CTNND2: variants seen among roughly 807,000 people sequenced by gnomAD.
The protein encoded by CTNND2 is catenin delta-2.
CTNND2 carries 22 observed loss-of-function variants against 144.4 expected under a neutral mutation model. That is an observed-to-expected ratio of 0.15 (90% CI 0.11 to 0.22). CTNND2 has a LOEUF of 0.22. Among genes scored for constraint, CTNND2 ranks in the 10% least tolerant of loss-of-function variants. CTNND2 has a pLI of 1.00. For synonymous variants in CTNND2, 751 were observed against 695.6 expected (o/e 1.08, Z -1.25); for missense variants, 1,353 against 1,618.8 (o/e 0.84, Z 2.82).
At chr5:11,859,677 T>C (rs1795414005) in intron 1 of CTNND2, among the ~76,000 whole-genome samples, 1 of 152,100 alleles carries the variant, frequency 6.6e-6, no homozygotes, top group African/African-American at 2.4e-5. Flanking sequence ...GCCACCTACA[T>C]GCCTGTAACT....
intron 2 of CTNND2, among the ~76,000 whole-genome samples, chr5:11,727,725 TG>T (rs1787102792): frequency 6.6e-6 from 1 of 152,206 alleles, no homozygotes; most frequent in South Asian, 2.1e-4. Flanking sequence ...TTTCCTAAGG[TG>T]TTATAACTTC....
chr5:11,054,591 C>G (rs1047325921), intron 16 of CTNND2, among the ~76,000 whole-genome samples: 3 of 152,024 alleles, frequency 2.0e-5, no homozygotes, highest in Non-Finnish European at 4.4e-5. Flanking sequence ...CCCACGCTTG[C>G]CTCCCATCGT....
chr5:11,802,637 T>C (rs530164932), intron 1 of CTNND2, among the ~76,000 whole-genome samples: 1 of 152,318 alleles, frequency 6.6e-6, no homozygotes, highest in South Asian at 2.1e-4. Context: ...TGTTACCTTG[T>C]TACAGTGTAT....
At chr5:11,631,673 A>G (rs1039591022) in intron 2 of CTNND2, among the ~76,000 whole-genome samples, 1 of 152,146 alleles carries the variant, frequency 6.6e-6, no homozygotes, top group African/African-American at 2.4e-5. Context: ...TCCCTTTCAG[A>G]CAAATATGAT....
intron 3 of CTNND2, among the ~76,000 whole-genome samples, chr5:11,502,024 T>A (rs1458552337): frequency 3.9e-4 from 33 of 83,804 alleles, no homozygotes; most frequent in African/African-American, 1.7e-3. Flanking sequence ...CGAGACTCCA[T>A]CTCAAAAAAA....
chr5:10,991,613 G>C (rs1424869445), intron 19 of CTNND2, among the ~76,000 whole-genome samples: 1 of 152,064 alleles, frequency 6.6e-6, no homozygotes, highest in Non-Finnish European at 1.5e-5. Flanking sequence ...GAATTAAAAA[G>C]GGTATAAAAA....
intron 3 of CTNND2, among the ~76,000 whole-genome samples, chr5:11,443,109 T>C (rs565368751): frequency 6.6e-6 from 1 of 151,466 alleles, no homozygotes; most frequent in South Asian, 2.1e-4. Flanking sequence ...GAAACTGGTA[T>C]ACAACACAGG....
intron 2 of CTNND2, among the ~76,000 whole-genome samples, chr5:11,701,343 T>C (rs1488704084): frequency 6.6e-6 from 1 of 152,226 alleles, no homozygotes; most frequent in Non-Finnish European, 1.5e-5. Context: ...ACCAGTCTGC[T>C]GGATACCCAG....
chr5:11,773,412 C>T (rs1254413851), intron 1 of CTNND2, among the ~76,000 whole-genome samples: 2 of 152,186 alleles, frequency 1.3e-5, no homozygotes, highest in South Asian at 4.1e-4. Flanking sequence ...TCCTGTGATA[C>T]AGAATTAGTT....
chr5:11,572,750 G>A (rs1777664557), intron 2 of CTNND2, among the ~76,000 whole-genome samples: 1 of 152,130 alleles, frequency 6.6e-6, no homozygotes, highest in Non-Finnish European at 1.5e-5. Flanking sequence ...CCTGTCTATA[G>A]ATGAGACCTG....
At position 11,207,643 on chromosome 5, in the gene CTNND2, T is replaced by C. The variant is rs559282089; in HGVS notation, c.1762-7982A>G. Among the ~76,000 whole-genome samples the C allele has an allele frequency of 3.9e-5, 6 of 152,220 alleles. No individual in the cohort carries two copies. In the South Asian group the frequency reaches 1.2e-3, roughly 32 times the overall value. ...ACCTGATTAAGCAGAGGTCTCTCCT[T>C]AGGGGCCTGGATTAGATTTCCTTGC... On this transcript the variant is annotated intron_variant, in intron 10 of 21. Transcript: ENST00000304623.
intron 1 of CTNND2, among the ~76,000 whole-genome samples, chr5:11,821,584 C>T (rs548815360): frequency 2.6e-5 from 4 of 151,998 alleles, no homozygotes; most frequent in African/African-American, 9.6e-5. Context: ...CTTCAAATGA[C>T]CTGTTGGTTG....
intron 3 of CTNND2, among the ~76,000 whole-genome samples, chr5:11,560,489 T>C (rs1776598130): frequency 6.6e-6 from 1 of 151,340 alleles, no homozygotes. Flanking sequence ...TAGGTACCTA[T>C]TAGGTGCCCT....
In CTNND2 at chr5:11,832,562, C is replaced by A. The variant is rs192100289; in HGVS notation, c.37+71255G>T. On this transcript the variant is annotated intron_variant, in intron 1 of 21. Transcript: ENST00000304623. ...AGAAAATAGAACATAAAAAGATATT[C>A]AACATCAATGGCTGTTTGGGATTCT... Among the ~76,000 whole-genome samples, 491 of 152,248 alleles carry A rather than the reference C, an allele frequency of 3.2e-3. 1 individual carries two copies. Among genetic ancestry groups the A allele is most frequent in the Admixed American group, 9.9e-3 (151 of 15,292 alleles).
intron 1 of CTNND2, among the ~76,000 whole-genome samples, chr5:11,854,747 G>A (rs1561860753): frequency 6.6e-6 from 1 of 152,192 alleles, no homozygotes; most frequent in Non-Finnish European, 1.5e-5. Flanking sequence ...CCCTGGATCT[G>A]AACCTGGATC....
chr5:11,842,013 A>C (rs1487565761), intron 1 of CTNND2, among the ~76,000 whole-genome samples: 1 of 152,090 alleles, frequency 6.6e-6, no homozygotes, highest in Non-Finnish European at 1.5e-5. Flanking sequence ...CAATATTTCT[A>C]AGCATCAGCA....
chr5:11,838,925 C>G (rs1794315108), intron 1 of CTNND2, among the ~76,000 whole-genome samples: 6 of 152,106 alleles, frequency 3.9e-5, no homozygotes, highest in African/African-American at 1.2e-4. Flanking sequence ...AAATTATTCT[C>G]TAACTCAAAG....
intron 1 of CTNND2, among the ~76,000 whole-genome samples, chr5:11,867,212 A>G (rs1405148097): frequency 6.6e-6 from 1 of 152,248 alleles, no homozygotes; most frequent in Non-Finnish European, 1.5e-5. Flanking sequence ...AACTTGCTAG[A>G]GGCTGTGGTA....
chr5:11,482,033 G>A (rs1308275487), intron 3 of CTNND2, among the ~76,000 whole-genome samples: 1 of 152,194 alleles, frequency 6.6e-6, no homozygotes, highest in African/African-American at 2.4e-5. Context: ...CTGCCTCTCT[G>A]AGTTTTAGGT....
Sources: allele counts gnomAD v4.1 joint callset (sites outside exome capture counted in the v4.1 genomes callset), GRCh38; gene constraint gnomAD v4.1.1; transcripts MANE v1.5; gene names NCBI Gene and HGNC (gene_info 2026-07-23, HGNC 2026-07-21).